The following GREB1 variants were observed in gnomAD, a reference collection of about 807,000 sequenced individuals.
The protein encoded by GREB1 is growth regulating estrogen receptor binding 1.
A neutral mutation model predicts 200.7 loss-of-function variants in GREB1; 106 were observed. That is an observed-to-expected ratio of 0.53 (90% CI 0.45 to 0.62). The LOEUF is 0.62. Ranked by LOEUF, GREB1 falls within the 20% of genes least tolerant of loss-of-function variation. The pLI, the probability that GREB1 is intolerant of heterozygous loss-of-function variation, is 0.00. For synonymous variants in GREB1, 1,132 were observed against 1,092.4 expected (o/e 1.04, Z -0.72); for missense variants, 2,243 against 2,556.8 (o/e 0.88, Z 2.65).
intron 1 of GREB1, among the ~76,000 whole-genome samples, chr2:11,512,423 A>G (rs1186833163): frequency 6.6e-6 from 1 of 152,244 alleles, no homozygotes; most frequent in Non-Finnish European, 1.5e-5. Flanking sequence ...AGTGCTTACT[A>G]TGTGCTATGC....
chr2:11,583,077 A>T (rs1386886532), intron 7 of GREB1, among the ~76,000 whole-genome samples: 1 of 152,192 alleles, frequency 6.6e-6, no homozygotes, highest in Non-Finnish European at 1.5e-5. Flanking sequence ...AGACATTTTG[A>T]GAAATAGTTG....
chr2:11,515,462 C>T (rs192472836), intron 1 of GREB1, among the ~76,000 whole-genome samples: 14 of 152,214 alleles, frequency 9.2e-5, no homozygotes, highest in Admixed American at 8.5e-4. Context: ...ATAATGTAGA[C>T]GTGAGTGAGG....
At chr2:11,579,867 T>TGCAAACC (rs1409001744) in intron 6 of GREB1, among the ~76,000 whole-genome samples, 1 of 152,226 alleles carries the variant, frequency 6.6e-6, no homozygotes, top group African/African-American at 2.4e-5. Flanking sequence ...CCCAGGTAGC[T>TGCAAACC]GCAAACCCGA....
rs956185549 is a variant in GREB1, at chr2:11,564,872, G to A, written c.278-1608G>A. 3.9e-5 allele frequency among the ~76,000 whole-genome samples: 6 copies of A among 152,214 alleles called. No homozygotes were observed. The South Asian group carries it at 6.2e-4, about 16-fold the overall frequency. ...GCTGGGGAGGCCTGACAATCATGGT[G>A]GAAGGTGAAAGGCACATCACATGGC... On this transcript the variant is annotated intron_variant, in intron 3 of 32. Transcript: ENST00000381486.
chr2:11,611,712 A>G (rs957362067), intron 18 of GREB1, among the ~76,000 whole-genome samples: 2 of 152,116 alleles, frequency 1.3e-5, no homozygotes, highest in Non-Finnish European at 2.9e-5. Flanking sequence ...CCCCTCTCCC[A>G]GATGGTGGGG....
intron 4 of GREB1, among the ~76,000 whole-genome samples, chr2:11,570,821 G>A (rs778429546): frequency 6.6e-6 from 1 of 152,148 alleles, no homozygotes; most frequent in Non-Finnish European, 1.5e-5. Flanking sequence ...GATTCTAGAG[G>A]AGTACGATGG....
At chr2:11,620,395 G>T (rs1055952066) in intron 22 of GREB1, among the ~76,000 whole-genome samples, 1 of 152,214 alleles carries the variant, frequency 6.6e-6, no homozygotes, top group African/African-American at 2.4e-5. Flanking sequence ...CTGAAGCTGG[G>T]CTGGGGAAGC....
chr2:11,545,851 C>T (rs1423682948), intron 1 of GREB1, among the ~76,000 whole-genome samples: 1 of 151,810 alleles, frequency 6.6e-6, no homozygotes, highest in Non-Finnish European at 1.5e-5. Flanking sequence ...GTTGATTATA[C>T]TTAAAATGTT....
intron 1 of GREB1, among the ~76,000 whole-genome samples, chr2:11,491,815 C>T (rs961128065): frequency 6.6e-6 from 1 of 152,182 alleles, no homozygotes; most frequent in African/African-American, 2.4e-5. Context: ...TTCAGTTTCT[C>T]CTCTTCACCA....
intron 1 of GREB1, among the ~76,000 whole-genome samples, chr2:11,483,249 T>G (rs976247942): frequency 6.8e-6 from 1 of 146,276 alleles, no homozygotes; most frequent in Non-Finnish European, 1.5e-5. Context: ...CGTGTATGGG[T>G]GTGCGTGTGT....
intron 9 of GREB1, 95 bp downstream of exon 9, chr2:11,586,000 C>T (rs1328100808): frequency 2.3e-6 from 3 of 1,295,596 alleles, no homozygotes; most frequent in South Asian, 2.5e-5. Context: ...GGTCTGACTC[C>T]AAGGGTATCC....
chr2:11,592,053 AT>A, intron 10 of GREB1: 3 of 978,388 alleles, frequency 3.1e-6, no homozygotes, highest in Non-Finnish European at 3.6e-6. Context: ...TGTTCTACAC[AT>A]TTACCACTGT....
chr2:11,590,286 C>T (rs1680598590), intron 10 of GREB1, among the ~76,000 whole-genome samples: 1 of 152,200 alleles, frequency 6.6e-6, no homozygotes, highest in African/African-American at 2.4e-5. Context: ...CATTCTTGCC[C>T]TGTTCCCCAC....
At chr2:11,604,657 C>G (rs755945082) in intron 17 of GREB1, among the ~76,000 whole-genome samples, 2 of 152,116 alleles carry the variant, frequency 1.3e-5, no homozygotes, top group East Asian at 3.8e-4. Flanking sequence ...GAACTGAAGC[C>G]GAGTGGGAGA....
At chr2:11,632,800 GCGGCCCCGA>G in intron 27 of GREB1, 80 bp from the exon 28 acceptor site, 1 of 1,135,934 alleles carries the variant, frequency 8.8e-7, no homozygotes, top group Non-Finnish European at 1.3e-6. Context: ...GCTTGTCTGG[GCGGCCCCGA>G]CAGCAGGTCT....
intron 17 of GREB1, among the ~76,000 whole-genome samples, chr2:11,608,280 T>C (rs12476319): frequency 0.48 from 72,811 of 152,044 alleles, 17,881 homozygotes; most frequent in South Asian, 0.7. Context: ...GTTCAGTCTT[T>C]CCTCTAGATT....
intron 18 of GREB1, among the ~76,000 whole-genome samples, chr2:11,611,929 T>C (rs1197763700): frequency 6.6e-6 from 1 of 152,060 alleles, no homozygotes; most frequent in Non-Finnish European, 1.5e-5. Context: ...CGCGGTGGCT[T>C]ACACCTGTAA....
intron 4 of GREB1, 114 bp downstream of exon 4, chr2:11,566,770 C>T (rs575564479): frequency 3.4e-4 from 301 of 873,422 alleles, no homozygotes; most frequent in Non-Finnish European, 4.7e-4. Context: ...GGACCCCAGG[C>T]GCAGCATGCA....
chr2:11,486,313 A>C (rs75775881), intron 1 of GREB1, among the ~76,000 whole-genome samples: 3,558 of 152,210 alleles, frequency 0.023, 148 homozygotes, highest in African/African-American at 0.082. Context: ...TTTTAAAAAA[A>C]ATTTAGTTTT....
Sources: allele counts gnomAD v4.1 joint callset (sites outside exome capture counted in the v4.1 genomes callset), GRCh38; gene constraint gnomAD v4.1.1; transcripts MANE v1.5; gene names NCBI Gene and HGNC (gene_info 2026-07-23, HGNC 2026-07-21).